CHSY3: variants seen among roughly 807,000 people sequenced by gnomAD.
The protein encoded by CHSY3 is N-acetylgalactosaminyl-proteoglycan 3-beta-glucuronosyltransferase 3.
A neutral mutation model predicts 67.2 loss-of-function variants in CHSY3; 35 were observed. The observed-to-expected ratio is 0.52, with a 90% CI of 0.40 to 0.69. The LOEUF is 0.69. Ranked by LOEUF, CHSY3 falls within the 30% of genes least tolerant of loss-of-function variation. The pLI, the probability that CHSY3 is intolerant of heterozygous loss-of-function variation, is 0.00. For missense variants in CHSY3, 1,069 were observed against 1,138.5 expected, an observed-to-expected ratio of 0.94 and a Z score of 0.88; for synonymous variants, 474 against 434.7, an observed-to-expected ratio of 1.09 and a Z score of -1.12.
At chr5:130,073,310 CAG>C (rs1212546852) in intron 2 of CHSY3, among the ~76,000 whole-genome samples, 2 of 149,904 alleles carry the variant, frequency 1.3e-5, no homozygotes, top group Non-Finnish European at 3.0e-5. Flanking sequence ...TTTTTTAAGA[CAG>C]AGTTTCACTC....
At chr5:130,016,330 C>T (rs559165567) in intron 2 of CHSY3, among the ~76,000 whole-genome samples, 32 of 152,296 alleles carry the variant, frequency 2.1e-4, no homozygotes, top group African/African-American at 6.5e-4. Flanking sequence ...CTGGAGTGAA[C>T]AGATAAAGTA....
chr5:129,951,785 T>C (rs1762030866), intron 2 of CHSY3, among the ~76,000 whole-genome samples: 1 of 152,234 alleles, frequency 6.6e-6, no homozygotes, highest in Non-Finnish European at 1.5e-5. Flanking sequence ...TTTCTTAAAA[T>C]ATGATATCCA....
At chr5:129,986,374 G>A (rs1388841086) in intron 2 of CHSY3, among the ~76,000 whole-genome samples, 1 of 152,076 alleles carries the variant, frequency 6.6e-6, no homozygotes, top group African/African-American at 2.4e-5. Flanking sequence ...CAGGAATAAA[G>A]CCTACTTGTA....
chr5:129,944,523 C>T (rs1048376964), intron 2 of CHSY3, among the ~76,000 whole-genome samples: 3 of 151,886 alleles, frequency 2.0e-5, no homozygotes, highest in Admixed American at 6.6e-5. Flanking sequence ...TTGGTAGAGA[C>T]GGGGTTTCAG....
intron 2 of CHSY3, among the ~76,000 whole-genome samples, chr5:130,146,199 T>C (rs922876439): frequency 6.6e-6 from 1 of 152,176 alleles, no homozygotes; most frequent in African/African-American, 2.4e-5. Flanking sequence ...AGAATCAACC[T>C]GTGTCCAACA....
intron 2 of CHSY3, among the ~76,000 whole-genome samples, chr5:130,087,816 C>T (rs1766708733): frequency 6.6e-6 from 1 of 151,200 alleles, no homozygotes; most frequent in African/African-American, 2.4e-5. Context: ...AGATTCAATG[C>T]CATCCCCATC....
intron 2 of CHSY3, among the ~76,000 whole-genome samples, chr5:130,121,870 GT>G (rs1452291102): frequency 6.6e-6 from 1 of 152,156 alleles, no homozygotes; most frequent in Non-Finnish European, 1.5e-5. Context: ...AATAGAACAT[GT>G]AATGGGCTGA....
At chr5:130,060,471 A>T (rs189008719) in intron 2 of CHSY3, among the ~76,000 whole-genome samples, 68 of 152,256 alleles carry the variant, frequency 4.5e-4, no homozygotes, top group African/African-American at 1.5e-3. Flanking sequence ...CATGGGGAAA[A>T]GTCGAAAGCC....
At chr5:130,088,529 GA>G (rs1246350853) in intron 2 of CHSY3, among the ~76,000 whole-genome samples, 3 of 151,770 alleles carry the variant, frequency 2.0e-5, no homozygotes, top group Non-Finnish European at 4.4e-5. Context: ...AGATTTACAA[GA>G]AAAAAACAAC....
intron 2 of CHSY3, among the ~76,000 whole-genome samples, chr5:129,925,064 T>G (rs1761057148): frequency 6.6e-6 from 1 of 152,146 alleles, no homozygotes; most frequent in Non-Finnish European, 1.5e-5. Context: ...AACAAATAGA[T>G]GATCACAAAC....
intron 2 of CHSY3, among the ~76,000 whole-genome samples, chr5:130,038,744 G>A (rs560015738): frequency 2.0e-5 from 3 of 152,150 alleles, no homozygotes; most frequent in South Asian, 4.2e-4. Context: ...TCCATGCTGG[G>A]TAGGGAATGG....
intron 2 of CHSY3, among the ~76,000 whole-genome samples, chr5:130,082,870 A>G (rs1020889774): frequency 5.3e-5 from 8 of 151,612 alleles, no homozygotes; most frequent in Non-Finnish European, 1.2e-4. Context: ...GTGTATATAC[A>G]TATATATGTA....
intron 2 of CHSY3, among the ~76,000 whole-genome samples, chr5:129,990,889 G>A (rs151181901): frequency 1.3e-5 from 2 of 152,178 alleles, no homozygotes; most frequent in Admixed American, 6.5e-5. Flanking sequence ...ACCATAGAAG[G>A]ACACCCAGGG....
intron 2 of CHSY3, among the ~76,000 whole-genome samples, chr5:130,086,162 C>G (rs1766614462): frequency 6.6e-6 from 1 of 151,916 alleles, no homozygotes; most frequent in African/African-American, 2.4e-5. Flanking sequence ...TCCTGAGTAT[C>G]CTTGTTAACT....
chr5:130,147,679 G>C (rs1030009271), intron 2 of CHSY3, among the ~76,000 whole-genome samples: 1 of 152,182 alleles, frequency 6.6e-6, no homozygotes, highest in African/African-American at 2.4e-5. Flanking sequence ...CTCAGCTTCT[G>C]ATGAGGCCTC....
chr5:130,021,495 C>G (rs570235717), intron 2 of CHSY3, among the ~76,000 whole-genome samples: 1 of 152,190 alleles, frequency 6.6e-6, no homozygotes, highest in Non-Finnish European at 1.5e-5. Flanking sequence ...TTTTTCTTGT[C>G]AGTTTCCATG....
chr5:130,019,001 C>G (rs1764291080), intron 2 of CHSY3, among the ~76,000 whole-genome samples: 1 of 152,108 alleles, frequency 6.6e-6, no homozygotes, highest in Non-Finnish European at 1.5e-5. Flanking sequence ...CCCAAAGACC[C>G]TCACCAGAAA....
chr5:129,944,120 G>A (rs4530793), intron 2 of CHSY3, among the ~76,000 whole-genome samples: 43,982 of 152,140 alleles, frequency 0.29, 7,716 homozygotes, highest in Middle Eastern at 0.41. Flanking sequence ...CTCCTGTGGC[G>A]CTTGGCCAAG....
At chr5:130,081,593 G>A (rs567725456) in intron 2 of CHSY3, among the ~76,000 whole-genome samples, 3 of 152,140 alleles carry the variant, frequency 2.0e-5, no homozygotes, top group South Asian at 4.2e-4. Context: ...ACATGTTGTG[G>A]GAGGGACCTG....
Sources: gnomAD v4.1 joint callset for allele counts (sites outside exome capture counted in the v4.1 genomes callset) on GRCh38, gnomAD v4.1.1 for gene constraint, MANE v1.5 for transcripts, NCBI Gene and HGNC (gene_info 2026-07-23, HGNC 2026-07-21) for gene names.